CCNY: variants seen among roughly 807,000 people sequenced by gnomAD.
CCNY encodes the protein cyclin Y.
CCNY carries 19 observed loss-of-function variants against 42.8 expected under a neutral mutation model. The ratio of observed to expected loss-of-function variants is 0.44; its 90% CI spans 0.31 to 0.65. CCNY has a LOEUF of 0.65. CCNY is among the 30% of genes least tolerant of loss of function. CCNY has a pLI of 0.07. For synonymous variants in CCNY, 165 were observed against 162.7 expected, an observed-to-expected ratio of 1.01 and a Z score of -0.11; for missense variants, 370 against 437.3, an observed-to-expected ratio of 0.85 and a Z score of 1.37.
At chr10:35,524,897 G>C (rs887359282) in intron 4 of CCNY, among the ~76,000 whole-genome samples, 3 of 152,208 alleles carry the variant, frequency 2.0e-5, no homozygotes, top group African/African-American at 7.2e-5. Context: ...CACTGGTGTA[G>C]ACTTTCCGCA....
chr10:35,250,013 T>C (rs994499579), intron 2 of CCNY, among the ~76,000 whole-genome samples: 6 of 151,936 alleles, frequency 3.9e-5, no homozygotes, highest in African/African-American at 1.5e-4. Flanking sequence ...GCTAACATGG[T>C]GAAACCCCGT....
chr10:35,394,661 C>T (rs922271143), intron 1 of CCNY, among the ~76,000 whole-genome samples: 12 of 152,306 alleles, frequency 7.9e-5, no homozygotes, highest in Admixed American at 3.3e-4. Context: ...GGTATGCTGT[C>T]GCATAGACAC....
intron 1 of CCNY, chr10:35,449,668 G>C: frequency 4.1e-6 from 3 of 729,578 alleles, no homozygotes; most frequent in Non-Finnish European, 5.0e-6. Context: ...CCATTGCCGA[G>C]TAGGGGGGCC....
intron 1 of CCNY, among the ~76,000 whole-genome samples, chr10:35,394,618 C>T (rs571378624): frequency 3.3e-5 from 5 of 152,310 alleles, no homozygotes; most frequent in African/African-American, 9.6e-5. Flanking sequence ...ATGGCTTTCA[C>T]GCTGAGTTGG....
chr10:35,385,384 T>C (rs1837281338), intron 1 of CCNY, among the ~76,000 whole-genome samples: 1 of 152,230 alleles, frequency 6.6e-6, no homozygotes, highest in African/African-American at 2.4e-5. Context: ...CCAACTCCTG[T>C]GGTACTCCTG....
chr10:35,351,424 G>T (rs1185822558), intron 1 of CCNY, among the ~76,000 whole-genome samples: 11 of 152,234 alleles, frequency 7.2e-5, no homozygotes, highest in Admixed American at 7.2e-4. Flanking sequence ...TGATTCTGAA[G>T]TTTAAACAAG....
chr10:35,530,195 A>C lies in CCNY; in HGVS notation c.531A>C (p.Thr177=), dbSNP rs1457295878. The change falls in exon 7 of 10, where the codon ACA becomes ACC. Residue 177 remains threonine, a synonymous_variant. Coordinates refer to ENST00000374704, the MANE Select transcript of CCNY (RefSeq NM_145012.6). The surrounding 1 kb of genome is among the most constrained non-coding windows in gnomAD (Gnocchi z 4.3). ...EQKQIYRFVR[T]LFSAAQLTAE... is the part of the protein sequence containing the mutation. ...AGCAGATTTACCGGTTCGTTCGGAC[A>C]CTGTTCAGTGCTGCTCAGCTGACGG... 6.2e-7 allele frequency: 1 copy of C among 1,614,230 alleles called. No individual in the cohort carries two copies. The highest frequency in any genetic ancestry group is 8.5e-7 in the Non-Finnish European group (1 of 1,180,032).
chr10:35,503,013 TATC>T (rs1840141559), intron 3 of CCNY, among the ~76,000 whole-genome samples: 1 of 152,146 alleles, frequency 6.6e-6, no homozygotes, highest in Non-Finnish European at 1.5e-5. Flanking sequence ...GTCGCTCTGT[TATC>T]ATTGTAGCTG....
chr10:35,257,240 CTCT>C (rs2135027436), intron 3 of CCNY, among the ~76,000 whole-genome samples: 11 of 143,526 alleles, frequency 7.7e-5, no homozygotes, highest in Admixed American at 7.1e-4. Flanking sequence ...CCCTTCCTTC[CTCT>C]TTCTTTCTCT....
At chr10:35,273,509 T>C (rs1835198841) in intron 3 of CCNY, among the ~76,000 whole-genome samples, 1 of 152,074 alleles carries the variant, frequency 6.6e-6, no homozygotes, top group Non-Finnish European at 1.5e-5. Flanking sequence ...CCGGCGATCC[T>C]CCTCATTCTT....
At chr10:35,479,623 G>A (rs1394003001) in intron 1 of CCNY, among the ~76,000 whole-genome samples, 2 of 137,002 alleles carry the variant, frequency 1.5e-5, no homozygotes, top group African/African-American at 2.7e-5. Context: ...GGGGGAGGGG[G>A]GGGAGGGATA....
At chr10:35,314,826 T>G (rs1385702276) in intron 3 of CCNY, 2 of 152,188 alleles carry the variant, frequency 1.3e-5, no homozygotes, top group Non-Finnish European at 2.9e-5. Flanking sequence ...CTCATGCCTG[T>G]AATCCTAGCA....
chr10:35,382,009 T>G (rs1471284528), intron 1 of CCNY, among the ~76,000 whole-genome samples: 2 of 152,248 alleles, frequency 1.3e-5, no homozygotes, highest in Non-Finnish European at 2.9e-5. Flanking sequence ...TAATAGTTAC[T>G]GATTTTTACA....
chr10:35,298,250 C>T (rs974001417), intron 3 of CCNY, among the ~76,000 whole-genome samples: 2 of 152,128 alleles, frequency 1.3e-5, no homozygotes, highest in Non-Finnish European at 1.5e-5. Flanking sequence ...ATAATCTCAC[C>T]ATATTCAAGA....
intron 8 of CCNY, among the ~76,000 whole-genome samples, chr10:35,554,978 C>G (rs1330512062): frequency 6.6e-6 from 1 of 152,186 alleles, no homozygotes; most frequent in Admixed American, 6.5e-5. Context: ...ACTGAATTTT[C>G]ATGGAAACTT....
chr10:35,449,050 A>C (rs898642805), intron 1 of CCNY, among the ~76,000 whole-genome samples: 5 of 151,876 alleles, frequency 3.3e-5, no homozygotes, highest in African/African-American at 1.2e-4. Flanking sequence ...GACTGGAAGG[A>C]ACAGGTCTTG....
chr10:35,408,592 A>G (rs1218531187), intron 1 of CCNY, among the ~76,000 whole-genome samples: 1 of 151,200 alleles, frequency 6.6e-6, no homozygotes, highest in Non-Finnish European at 1.5e-5. Context: ...AAGTATATTG[A>G]TCAGTTAGGG....
chr10:35,307,186 C>T (rs1171043700), intron 3 of CCNY, among the ~76,000 whole-genome samples: 3 of 152,240 alleles, frequency 2.0e-5, no homozygotes, highest in East Asian at 3.9e-4. Context: ...GGCTGTGGTG[C>T]GGGTTAAGCG....
rs896857126 is a variant in CCNY, at chr10:35,367,717, C to A, written c.154+30510C>A. ...GGAGCTGGGTAGGGTTGTCAGCGTGCGCCCATGTCAGTGCCTCTTCCCCTT... is the reference window on the plus strand; with the variant it reads ...GGAGCTGGGTAGGGTTGTCAGCGTGAGCCCATGTCAGTGCCTCTTCCCCTT... On this transcript the variant is annotated intron_variant, in intron 1 of 9. Coordinates refer to ENST00000374704, the MANE Select transcript of CCNY (RefSeq NM_145012.6). Among the ~76,000 whole-genome samples, 5 of 152,192 alleles carry A rather than the reference C, an allele frequency of 3.3e-5. No individual in the cohort carries two copies. The South Asian group carries it at 1.0e-3, about 32-fold the overall frequency.
Sources: gnomAD v4.1 joint callset for allele counts (sites outside exome capture counted in the v4.1 genomes callset) on GRCh38, gnomAD v4.1.1 for gene constraint, Gnocchi (gnomAD v3.1) non-coding constraint, MANE v1.5 for transcripts, NCBI Gene and HGNC (gene_info 2026-07-23, HGNC 2026-07-21) for gene names.